The following ELMO2 variants were observed in gnomAD, a reference collection of about 807,000 sequenced individuals.
ELMO2 encodes engulfment and cell motility protein 2.
A neutral mutation model predicts 96.2 loss-of-function variants in ELMO2; 37 were observed. The ratio of observed to expected loss-of-function variants is 0.38; its 90% CI spans 0.30 to 0.51. The LOEUF is 0.51. Ranked by LOEUF, ELMO2 falls within the 20% of genes least tolerant of loss-of-function variation. ELMO2 has a pLI of 0.88. For synonymous variants in ELMO2, 315 were observed against 329.4 expected (o/e 0.96, Z 0.47); for missense variants, 561 against 912.6 (o/e 0.61, Z 4.96).
At chr20:46,395,852 A>G (rs1329152332) in intron 2 of ELMO2, among the ~76,000 whole-genome samples, 5 of 152,276 alleles carry the variant, frequency 3.3e-5, no homozygotes, top group Non-Finnish European at 7.3e-5. Context: ...TCCTCCCAGC[A>G]GCCCCACGAA....
rs926280664 is a variant in ELMO2 at position 46,371,732 on chromosome 20, G to C, written c.1581-41C>G. 1 of 1,613,876 alleles carries C rather than the reference G, an allele frequency of 6.2e-7. No homozygotes were observed. Among genetic ancestry groups the C allele is most frequent in the Non-Finnish European group, 8.5e-7 (1 of 1,179,878 alleles). The stretch of plus-strand genomic sequence containing the variant: ...ACTGGAGTGAGCGGAAGGTCATGGG[G>C]ACAGTGGAGCTCTGGAAGGAAAGCA... On this transcript the variant is annotated intron_variant, in intron 17 of 21. Coordinates refer to ENST00000290246, the MANE Select transcript of ELMO2 (RefSeq NM_133171.5). The surrounding 1 kb of genome is among the most constrained non-coding windows in gnomAD (Gnocchi z 5.9).
Position 46,375,162 on chromosome 20 carries a change from C to T in ELMO2, c.1065+74G>A. On this transcript the variant is annotated intron_variant, in intron 13 of 21. Transcript: ENST00000290246. This position sits in a 1 kb window ranked among gnomAD's most constrained non-coding sequence, Gnocchi z 4.6. ...GCCACCATGGGGTTGGTTGTCAGAG[C>T]TCTGTCTGGGTGGGACCATTGACTT... is the stretch of plus-strand genomic sequence containing the variant. The T allele has an allele frequency of 6.5e-7, 1 of 1,545,548 alleles. No individual in the cohort carries two copies. Among genetic ancestry groups the T allele is most frequent in the Non-Finnish European group, 8.7e-7 (1 of 1,146,788 alleles).
chr20:46,374,551 C>T lies in ELMO2; in HGVS notation c.1155G>A (p.Gln385=), dbSNP rs2034854261. The T allele has an allele frequency of 6.2e-7, 1 of 1,614,050 alleles. No homozygotes were observed. The highest frequency in any genetic ancestry group is 1.3e-5 in the African/African-American group (1 of 74,900). ...DNMLYLAKVH[Q]DTYIRIVLEN... ...CTGCCTTTACCCGGATGTAGGTGTC[C>T]TGGTGGACTTTAGCCAAGTACAGCA... The change falls in exon 14 of 22, where the codon CAG becomes CAA. Residue 385 remains glutamine, a synonymous_variant. Transcript: ENST00000290246.
chr20:46,375,618 C>T lies in ELMO2; in HGVS notation c.930+50G>A. The T allele has an allele frequency of 6.2e-7, 1 of 1,612,154 alleles. No homozygotes were observed. Among genetic ancestry groups the T allele is most frequent in the Non-Finnish European group, 8.5e-7 (1 of 1,178,632 alleles). The stretch of plus-strand genomic sequence containing the variant: ...ACAGTGCCTGGCACATAGACTAAGG[C>T]TGGACTGCACCACAGCCATGAGAAA... On this transcript the variant is annotated intron_variant, in intron 12 of 21. Transcript: ENST00000290246. The surrounding 1 kb of genome is among the most constrained non-coding windows in gnomAD (Gnocchi z 4.6).
In ELMO2 at chr20:46,375,097, T is replaced by C. The variant is rs1372184540; in HGVS notation, c.1065+139A>G. On this transcript the variant is annotated intron_variant, in intron 13 of 21. Transcript: ENST00000290246. This position sits in a 1 kb window ranked among gnomAD's most constrained non-coding sequence, Gnocchi z 4.6. ...CACCATCAACAAAGCAAAGCAAGCA[T>C]TAAAGCTCCACCAGCTTCCTAACTG... The C allele has an allele frequency of 8.3e-7, 1 of 1,210,160 alleles. No homozygotes were observed. The highest frequency in any genetic ancestry group is 2.9e-4 in the Middle Eastern group (1 of 3,394). The allele number at this position is 1,210,160 out of a possible 1,614,324, so 75.0% of individuals were successfully genotyped here.
intron 10 of ELMO2, 124 bp downstream of exon 10, chr20:46,383,292 C>T: frequency 9.7e-7 from 1 of 1,031,528 alleles, no homozygotes; most frequent in East Asian, 2.4e-5. Flanking sequence ...CCAGACCAGA[C>T]AGCTAAGAGG....
intron 10 of ELMO2, chr20:46,382,089 C>G: frequency 1.1e-6 from 1 of 929,594 alleles, no homozygotes; most frequent in Non-Finnish European, 1.5e-6. Flanking sequence ...AGCACACAAC[C>G]TTTCCCTGGG....
At position 46,401,486 on chromosome 20, in the gene ELMO2, GT is replaced by G. The variant is rs2060334600; in HGVS notation, c.-125-2716del. ...GTGTGGGGGCAGGGGAACTATTTGG[GT>G]TTCTTCATCTTGATTCCTGCTGTAA... On this transcript the variant is annotated intron_variant, in intron 1 of 21. Transcript: ENST00000290246. Among the ~76,000 whole-genome samples the G allele has an allele frequency of 2.0e-5, 3 of 152,248 alleles. No homozygotes were observed. In the South Asian group the frequency reaches 6.2e-4, roughly 32 times the overall value.
At chr20:46,391,060 G>C (rs755343560) in intron 6 of ELMO2, among the ~76,000 whole-genome samples, 6 of 152,202 alleles carry the variant, frequency 3.9e-5, no homozygotes, top group Non-Finnish European at 7.3e-5. Context: ...ATGTGCTTCT[G>C]GGAAAGTCAA....
rs768136130 is a variant in ELMO2, at chr20:46,380,309, G to A, written c.757-6C>T. 4 of 1,612,540 alleles carry A rather than the reference G, an allele frequency of 2.5e-6. No homozygotes were observed. Among genetic ancestry groups the A allele is most frequent in the Admixed American group, 3.3e-5 (2 of 59,980 alleles). ...GCAAATGCATTTGCCATATCCTGTG[G>A]AGGAAAATAAGCAAATATAAGGCAG... On this transcript the variant is annotated splice_polypyrimidine_tract_variant and splice_region_variant and intron_variant, in intron 10 of 21. Coordinates refer to ENST00000290246, the MANE Select transcript of ELMO2 (RefSeq NM_133171.5).
intron 10 of ELMO2, among the ~76,000 whole-genome samples, chr20:46,382,997 G>A (rs1404598161): frequency 6.6e-6 from 1 of 152,144 alleles, no homozygotes; most frequent in East Asian, 1.9e-4. Context: ...CCCAGGAGTT[G>A]GCAAACTATG....
intron 10 of ELMO2, chr20:46,382,150 T>C: frequency 7.8e-7 from 1 of 1,280,778 alleles, no homozygotes; most frequent in South Asian, 1.2e-5. Flanking sequence ...CTTGCCTAGC[T>C]TTGACTTCCC....
At chr20:46,394,131 C>T in intron 3 of ELMO2, 42 bp from the exon 4 acceptor site, 1 of 1,556,106 alleles carries the variant, frequency 6.4e-7, no homozygotes, top group Non-Finnish European at 8.9e-7. Flanking sequence ...CAGCAACATC[C>T]TACTCATGCC....
intron 11 of ELMO2, among the ~76,000 whole-genome samples, chr20:46,379,204 G>T (rs2059913662): frequency 6.6e-6 from 1 of 152,016 alleles, no homozygotes. Context: ...ATGTCGGTCA[G>T]GCTGGTCTCG....
chr20:46,375,670 G>C lies in ELMO2; in HGVS notation c.928C>G (p.Gln310Glu). 12 of 1,614,056 alleles carry C rather than the reference G, an allele frequency of 7.4e-6. No homozygotes were observed. Among genetic ancestry groups the C allele is most frequent in the Non-Finnish European group, 1.0e-5 (12 of 1,179,922 alleles). The part of the protein sequence containing the change: ...RMMTKMDPND[Q>E]AQRDIIFELR... ...CAGCTGCCCCACTTAGCACCTACCTGGTCATTGGGGTCCATCTTGGTCATC... is the reference window on the plus strand; with the variant it reads ...CAGCTGCCCCACTTAGCACCTACCTCGTCATTGGGGTCCATCTTGGTCATC... The change falls in exon 12 of 22, where the codon CAG becomes GAG. Residue 310 changes from glutamine (Q) to glutamate (E), a missense_variant and splice_region_variant. Gln to Glu is a conservative substitution (Grantham distance 29). Transcript: ENST00000290246. This position sits in a 1 kb window ranked among gnomAD's most constrained non-coding sequence, Gnocchi z 4.6.
intron 4 of ELMO2, 93 bp from the exon 5 acceptor site, chr20:46,393,694 G>C: frequency 7.3e-7 from 1 of 1,375,926 alleles, no homozygotes; most frequent in Admixed American, 1.7e-5. Flanking sequence ...TCAAGGGATT[G>C]GGTGGCCTAT....
At position 46,394,542 on chromosome 20, in the gene ELMO2, A is replaced by C; in HGVS notation, c.-50-10T>G. 6.4e-7 allele frequency: 1 copy of C among 1,553,424 alleles called. No individual in the cohort carries two copies. Among genetic ancestry groups the C allele is most frequent in the African/African-American group, 1.4e-5 (1 of 73,824 alleles). ...ACACAGACACGGCTGCCTGGGGAGA[A>C]AGAATCAGAAAGGTGGAAAAAGAGT... On this transcript the variant is annotated splice_polypyrimidine_tract_variant and intron_variant, in intron 2 of 21. Coordinates refer to ENST00000290246, the MANE Select transcript of ELMO2 (RefSeq NM_133171.5).
chr20:46,389,723 C>G (rs566396219), intron 6 of ELMO2, among the ~76,000 whole-genome samples: 1 of 152,238 alleles, frequency 6.6e-6, no homozygotes, highest in East Asian at 1.9e-4. Flanking sequence ...GTGGTGCACA[C>G]CTGTAGTCCT....
At chr20:46,376,738 C>T (rs902477831) in intron 11 of ELMO2, 68 of 1,289,354 alleles carry the variant, frequency 5.3e-5, no homozygotes, top group Non-Finnish European at 6.8e-5. Context: ...TTCTTTCTTG[C>T]CCAAATGAGG....
Sources: allele counts gnomAD v4.1 joint callset (sites outside exome capture counted in the v4.1 genomes callset), GRCh38; gene constraint gnomAD v4.1.1; non-coding constraint Gnocchi (gnomAD v3.1); transcripts MANE v1.5; gene names NCBI Gene and HGNC (gene_info 2026-07-23, HGNC 2026-07-21).